Variants in AK5 observed in about 807,000 individuals in gnomAD.
AK5 encodes the protein adenylate kinase 5.
AK5 carries 27 observed loss-of-function variants against 69.5 expected under a neutral mutation model. The ratio of observed to expected loss-of-function variants is 0.39; its 90% CI spans 0.29 to 0.54. The LOEUF is 0.54. AK5 is among the 20% of genes least tolerant of loss of function. The pLI, the probability that AK5 is intolerant of heterozygous loss-of-function variation, is 0.71. For missense variants in AK5, 531 were observed against 700.4 expected (o/e 0.76, Z 2.73); for synonymous variants, 260 against 244.4 (o/e 1.06, Z -0.60).
chr1:77,499,387 C>T (rs76576674), intron 10 of AK5, among the ~76,000 whole-genome samples: 1 of 152,310 alleles, frequency 6.6e-6, no homozygotes, highest in East Asian at 1.9e-4. Context: ...GGCACTGACT[C>T]TGAAGATGTT....
At chr1:77,379,308 C>T (rs1226942562) in intron 6 of AK5, among the ~76,000 whole-genome samples, 1 of 152,208 alleles carries the variant, frequency 6.6e-6, no homozygotes, top group Non-Finnish European at 1.5e-5. Context: ...GTTCACAGAG[C>T]ACATTAATCA....
chr1:77,313,189 A>G (rs1660054876), intron 5 of AK5, among the ~76,000 whole-genome samples: 1 of 152,094 alleles, frequency 6.6e-6, no homozygotes, highest in Admixed American at 6.6e-5. Context: ...GATTTTTATC[A>G]TGTTATCACT....
Position 77,282,391 on chromosome 1 carries a change from C to A in AK5, c.60+18C>A. 6.5e-7 allele frequency: 1 copy of A among 1,539,000 alleles called. No homozygotes were observed. The highest frequency in any genetic ancestry group is 2.0e-5 in the Admixed American group (1 of 49,336). On this transcript the variant is annotated intron_variant, in intron 1 of 13. Coordinates refer to ENST00000354567, the MANE Select transcript of AK5 (RefSeq NM_174858.3). ...TTTTTGAGGTAGGGCTAGAGCTGGCCGACGGGCGGTAGCATCCGGGGACTG... is the reference window on the plus strand; with the variant it reads ...TTTTTGAGGTAGGGCTAGAGCTGGCAGACGGGCGGTAGCATCCGGGGACTG...
In AK5 at chr1:77,499,869, CATTTTTTT is replaced by C. The variant is rs1277839812; in HGVS notation, c.1147+13518_1147+13525del. ...GATGACAGAGACCATGCCCTTTTTC[CATTTTTTT>C]TTTTTTTTTTTTTTTTTTTTTTTTG... On this transcript the variant is annotated intron_variant, in intron 10 of 13. Coordinates refer to ENST00000354567, the MANE Select transcript of AK5 (RefSeq NM_174858.3). Among the ~76,000 whole-genome samples, 483 of 78,748 alleles carry C rather than the reference CATTTTTTT, an allele frequency of 6.1e-3. 25 individuals carry two copies. The highest frequency in any genetic ancestry group is 0.02 in the African/African-American group (440 of 22,050). The allele number at this position is 78,748 out of a possible 152,430, so 51.7% of individuals were successfully genotyped here.
At chr1:77,547,519 G>A (rs575513912) in intron 13 of AK5, among the ~76,000 whole-genome samples, 6 of 151,948 alleles carry the variant, frequency 3.9e-5, no homozygotes, top group Non-Finnish European at 4.4e-5. Flanking sequence ...TGATCTGCCC[G>A]CCTCGGCCTC....
chr1:77,475,434 T>TAC (rs1491200777), intron 8 of AK5, among the ~76,000 whole-genome samples: 1 of 3,966 alleles, frequency 2.5e-4, no homozygotes, highest in South Asian at 0.01. Context: ...ATTATATATA[T>TAC]GTATATATAT....
intron 6 of AK5, among the ~76,000 whole-genome samples, chr1:77,404,528 C>A (rs965618728): frequency 1.3e-5 from 2 of 152,166 alleles, no homozygotes; most frequent in Non-Finnish European, 2.9e-5. Context: ...TTGTAAAAAT[C>A]TTTGCCAATT....
intron 7 of AK5, among the ~76,000 whole-genome samples, chr1:77,412,225 C>G (rs1270439997): frequency 6.6e-6 from 1 of 152,118 alleles, no homozygotes; most frequent in African/African-American, 2.4e-5. Context: ...CACTAGGGAG[C>G]CTTGTGCCCT....
chr1:77,358,952 G>A (rs1228382255), intron 6 of AK5, among the ~76,000 whole-genome samples: 1 of 151,768 alleles, frequency 6.6e-6, no homozygotes, highest in Admixed American at 6.6e-5. Flanking sequence ...AAGAAGAAAA[G>A]GAAAAGAATA....
intron 6 of AK5, among the ~76,000 whole-genome samples, chr1:77,369,845 A>T (rs1181445364): frequency 1.3e-5 from 2 of 152,214 alleles, no homozygotes; most frequent in African/African-American, 4.8e-5. Flanking sequence ...ATTTGTCATA[A>T]ATTATTAAAG....
In AK5 at chr1:77,282,247, C is replaced by T; in HGVS notation, c.-67C>T. On this transcript the variant is annotated 5_prime_UTR_variant, in exon 1 of 14. Transcript: ENST00000354567. The stretch of plus-strand genomic sequence containing the variant: ...CGGACTCTGCCAGCCCCAGCTTCAG[C>T]CCCGGCTCAGGTCGCCGCAGCCCGG... 6.8e-7 allele frequency: 1 copy of T among 1,473,972 alleles called. No individual in the cohort carries two copies. The highest frequency in any genetic ancestry group is 9.2e-7 in the Non-Finnish European group (1 of 1,091,572). The allele number at this position is 1,473,972 out of a possible 1,614,324, so 91.3% of individuals were successfully genotyped here.
At chr1:77,526,477 T>C in intron 12 of AK5, among the ~76,000 whole-genome samples, 1 of 137,378 alleles carries the variant, frequency 7.3e-6, no homozygotes, top group Admixed American at 7.1e-5. Flanking sequence ...TTTTTTTTTT[T>C]TTTTTTTTTT....
chr1:77,325,195 C>T (rs1239082040), intron 5 of AK5, among the ~76,000 whole-genome samples: 8 of 143,114 alleles, frequency 5.6e-5, no homozygotes, highest in African/African-American at 1.6e-4. Context: ...TATTTTTTGA[C>T]GGGGTTTCAC....
intron 8 of AK5, among the ~76,000 whole-genome samples, chr1:77,448,979 G>A (rs557800178): frequency 4.9e-4 from 75 of 152,334 alleles, no homozygotes; most frequent in African/African-American, 1.8e-3. Flanking sequence ...GGAAATGCCT[G>A]GATGTCCAGG....
intron 13 of AK5, among the ~76,000 whole-genome samples, chr1:77,538,364 A>C (rs1296134125): frequency 2.9e-4 from 36 of 124,352 alleles, no homozygotes; most frequent in African/African-American, 9.8e-4. Flanking sequence ...CAACAACAAA[A>C]AAAAAAAACA....
intron 2 of AK5, among the ~76,000 whole-genome samples, chr1:77,287,680 A>G (rs750558462): frequency 2.0e-5 from 3 of 152,242 alleles, no homozygotes; most frequent in Non-Finnish European, 2.9e-5. Context: ...CCCCAGAAAC[A>G]CAGCAGATTC....
At chr1:77,328,541 A>G (rs532253738) in intron 5 of AK5, among the ~76,000 whole-genome samples, 9 of 152,028 alleles carry the variant, frequency 5.9e-5, no homozygotes, top group African/African-American at 1.9e-4. Context: ...TCTTTATTAA[A>G]GTCCTATATC....
chr1:77,449,174 A>C (rs772126650), intron 8 of AK5, among the ~76,000 whole-genome samples: 11 of 152,160 alleles, frequency 7.2e-5, no homozygotes, highest in Non-Finnish European at 4.4e-5. Context: ...AGCACCATGC[A>C]CCTGGAAAAG....
chr1:77,454,691 C>T (rs1653364597), intron 8 of AK5, among the ~76,000 whole-genome samples: 1 of 152,160 alleles, frequency 6.6e-6, no homozygotes, highest in Non-Finnish European at 1.5e-5. Context: ...AACACTTATA[C>T]CCGCAGCTCT....
Sources: allele counts gnomAD v4.1 joint callset (sites outside exome capture counted in the v4.1 genomes callset), GRCh38; gene constraint gnomAD v4.1.1; transcripts MANE v1.5; gene names NCBI Gene and HGNC (gene_info 2026-07-23, HGNC 2026-07-21).